Variants in DPP6 observed in about 807,000 individuals in gnomAD.
DPP6 encodes A-type potassium channel modulatory protein DPP6.
A neutral mutation model predicts 122.6 loss-of-function variants in DPP6; 69 were observed. That is an observed-to-expected ratio of 0.56 (90% CI 0.46 to 0.69). DPP6 has a LOEUF of 0.69. Among genes scored for constraint, DPP6 ranks in the 30% least tolerant of loss-of-function variants. The pLI, the probability that DPP6 is intolerant of heterozygous loss-of-function variation, is 0.00. For missense variants in DPP6, 928 were observed against 1,116.9 expected, an observed-to-expected ratio of 0.83 and a Z score of 2.41; for synonymous variants, 418 against 433.1, an observed-to-expected ratio of 0.97 and a Z score of 0.43.
At chr7:154,397,428 A>T (rs1005706346) in intron 1 of DPP6, among the ~76,000 whole-genome samples, 5 of 152,216 alleles carry the variant, frequency 3.3e-5, no homozygotes, top group Non-Finnish European at 5.9e-5. Flanking sequence ...TAGAAACGAG[A>T]GAGTATTCTA....
At chr7:154,077,907 G>A (rs867510412) in intron 1 of DPP6, among the ~76,000 whole-genome samples, 31 of 152,058 alleles carry the variant, frequency 2.0e-4, no homozygotes, top group African/African-American at 7.2e-4. Context: ...TTGACCTCAT[G>A]ATCTGCCCTC....
chr7:154,388,971 C>G (rs902402961), intron 1 of DPP6, among the ~76,000 whole-genome samples: 14 of 152,130 alleles, frequency 9.2e-5, no homozygotes, highest in African/African-American at 3.4e-4. Flanking sequence ...ATTCCAAGAG[C>G]CCATTTCAGT....
chr7:154,247,802 A>T (rs1278332026), intron 1 of DPP6, among the ~76,000 whole-genome samples: 1 of 152,234 alleles, frequency 6.6e-6, no homozygotes, highest in Non-Finnish European at 1.5e-5. Context: ...CTTGTACAGG[A>T]AAGTTTATAG....
chr7:154,396,250 A>G (rs1815074932), intron 1 of DPP6, among the ~76,000 whole-genome samples: 1 of 152,186 alleles, frequency 6.6e-6, no homozygotes, highest in African/African-American at 2.4e-5. Flanking sequence ...TATTCTTTCC[A>G]TTCTACAGAT....
At chr7:154,330,920 A>G (rs76081023) in intron 1 of DPP6, among the ~76,000 whole-genome samples, 98 of 152,272 alleles carry the variant, frequency 6.4e-4, no homozygotes, top group African/African-American at 2.2e-3. Flanking sequence ...AGTCCTTACA[A>G]GCTTCTGTTG....
intron 15 of DPP6, 87 bp from the exon 16 acceptor site, chr7:154,806,907 T>C: frequency 6.4e-7 from 1 of 1,552,172 alleles, no homozygotes; most frequent in East Asian, 2.3e-5. Context: ...ATCACCCTCA[T>C]GGGGAGAGCC....
At chr7:154,549,493 T>C (rs1056643409) in intron 4 of DPP6, among the ~76,000 whole-genome samples, 12 of 152,296 alleles carry the variant, frequency 7.9e-5, no homozygotes, top group Non-Finnish European at 1.6e-4. Flanking sequence ...CACAGTAAGA[T>C]TGTTTACTTA....
intron 6 of DPP6, among the ~76,000 whole-genome samples, chr7:154,668,197 T>TATATATATATA (rs1838288618): frequency 5.5e-5 from 2 of 36,476 alleles, no homozygotes; most frequent in African/African-American, 1.2e-4. Flanking sequence ...TGTGTATATT[T>TATATATATATA]TATATATATA....
chr7:153,923,640 A>G (rs904936969), intron 1 of DPP6, among the ~76,000 whole-genome samples: 2 of 151,746 alleles, frequency 1.3e-5, no homozygotes, highest in African/African-American at 4.8e-5. Context: ...GGGCACCTGT[A>G]GTCCCAGCTA....
At position 154,052,653 on chromosome 7, in the gene DPP6, C is replaced by T. The variant is rs1226149143; in HGVS notation, c.-168C>T. The T allele has an allele frequency of 1.6e-6, 2 of 1,258,184 alleles. No homozygotes were observed. The highest frequency in any genetic ancestry group is 3.4e-5 in the Admixed American group (1 of 29,598). 77.9% of individuals were successfully genotyped at this position (1,258,184 alleles called of 1,614,324 possible). On this transcript the variant is annotated 5_prime_UTR_variant, in exon 1 of 26. Transcript: ENST00000377770. The surrounding 1 kb of genome is among the most constrained non-coding windows in gnomAD (Gnocchi z 4.8). ...CGCCAGCGGAGACTCGCGAGTGGCG[C>T]GCGGGAGGAGCGGCCGCCGGCGCTG...
intron 1 of DPP6, among the ~76,000 whole-genome samples, chr7:153,983,305 C>T (rs1397742272): frequency 2.0e-5 from 3 of 152,232 alleles, no homozygotes; most frequent in African/African-American, 4.8e-5. Flanking sequence ...CTGCCATGGG[C>T]TCCGCCCAGT....
chr7:154,593,918 C>G (rs1644062616), intron 5 of DPP6, among the ~76,000 whole-genome samples: 1 of 152,180 alleles, frequency 6.6e-6, no homozygotes, highest in Admixed American at 6.5e-5. Flanking sequence ...CTTTTGAGAG[C>G]AATTTAATAG....
chr7:154,520,712 T>C (rs1030088260), intron 3 of DPP6, among the ~76,000 whole-genome samples: 1 of 152,206 alleles, frequency 6.6e-6, no homozygotes, highest in Non-Finnish European at 1.5e-5. Context: ...AAACTAGTGT[T>C]TTCTATGGGA....
At chr7:154,041,987 G>A (rs561367125) in intron 1 of DPP6, among the ~76,000 whole-genome samples, 24 of 152,106 alleles carry the variant, frequency 1.6e-4, no homozygotes, top group Non-Finnish European at 2.1e-4. Flanking sequence ...TCGATTTCCC[G>A]ACCTCGTGAT....
chr7:153,905,207 A>T (rs1799798809), intron 1 of DPP6, among the ~76,000 whole-genome samples: 1 of 152,294 alleles, frequency 6.6e-6, no homozygotes, highest in East Asian at 1.9e-4. Context: ...AGGTGGGGAA[A>T]GTTGGAGTAG....
chr7:154,203,847 T>A (rs1799298461), intron 1 of DPP6, among the ~76,000 whole-genome samples: 1 of 152,236 alleles, frequency 6.6e-6, no homozygotes. Flanking sequence ...CGTCTACATT[T>A]ACTTTGCCTC....
intron 12 of DPP6, among the ~76,000 whole-genome samples, chr7:154,797,908 C>T (rs1043722768): frequency 1.3e-5 from 2 of 152,176 alleles, no homozygotes; most frequent in Non-Finnish European, 2.9e-5. Flanking sequence ...GTGCAGGCTA[C>T]GAGGGTGATC....
chr7:154,131,353 G>A lies in DPP6; in HGVS notation c.243+78290G>A, dbSNP rs138849895. ...TTGTGACTGATAACATGCTGGACCC[G>A]TGTTGGGAAAACTGAACTGGATGAT... On this transcript the variant is annotated intron_variant, in intron 1 of 25. Coordinates refer to ENST00000377770, the MANE Select transcript of DPP6 (RefSeq NM_130797.4). 5.0e-3 allele frequency among the ~76,000 whole-genome samples: 760 copies of A among 152,324 alleles called. 6 individuals are homozygous for A. Among genetic ancestry groups the A allele is most frequent in the African/African-American group, 0.017 (725 of 41,576 alleles).
rs187297980 is a variant in DPP6, at chr7:154,486,971, A to T, written c.457+11934A>T. On this transcript the variant is annotated intron_variant, in intron 3 of 25. Transcript: ENST00000377770. This position sits in a 1 kb window ranked among gnomAD's most constrained non-coding sequence, Gnocchi z 4.5. ...GGGCCAACTTGCTTCCTGCAGAGATACATGTTCAGACTCTACTAATTACTT... is the reference window on the plus strand; with the variant it reads ...GGGCCAACTTGCTTCCTGCAGAGATTCATGTTCAGACTCTACTAATTACTT... 5.9e-5 allele frequency among the ~76,000 whole-genome samples: 9 copies of T among 152,298 alleles called. No individual in the cohort carries two copies. Among genetic ancestry groups the T allele is most frequent in the African/African-American group, 2.2e-4 (9 of 41,550 alleles).
Sources: allele counts gnomAD v4.1 joint callset (sites outside exome capture counted in the v4.1 genomes callset), GRCh38; gene constraint gnomAD v4.1.1; non-coding constraint Gnocchi (gnomAD v3.1); transcripts MANE v1.5; gene names NCBI Gene and HGNC (gene_info 2026-07-23, HGNC 2026-07-21).